Variants in TSPEAR observed in about 807,000 individuals in gnomAD.
TSPEAR encodes thrombospondin type laminin G domain and EAR repeats, also known as thrombospondin-type laminin G domain and EAR repeat-containing protein.
Under a neutral mutation model 71.6 loss-of-function variants are expected in TSPEAR, and 69 were observed. That is an observed-to-expected ratio of 0.96 (90% CI 0.79 to 1.18). TSPEAR has a LOEUF of 1.18. TSPEAR is among the 50% of genes most tolerant of loss of function. The pLI, the probability that TSPEAR is intolerant of heterozygous loss-of-function variation, is 0.00. For synonymous variants in TSPEAR, 402 were observed against 387.2 expected, an observed-to-expected ratio of 1.04 and a Z score of -0.45; for missense variants, 971 against 894.9, an observed-to-expected ratio of 1.09 and a Z score of -1.09.
chr21:44,597,166 A>G (rs1276066266), intron 1 of TSPEAR, among the ~76,000 whole-genome samples: 11 of 152,002 alleles, frequency 7.2e-5, no homozygotes, highest in African/African-American at 2.7e-4. Flanking sequence ...AGTTAAAAAA[A>G]TTAAAAAACA....
rs1366138373 is a variant in TSPEAR at position 44,695,180 on chromosome 21, T to TC, written c.82+16252dup. Among the ~76,000 whole-genome samples the TC allele has an allele frequency of 6.6e-6, 1 of 152,064 alleles. No homozygotes were observed. Among genetic ancestry groups the TC allele is most frequent in the Non-Finnish European group, 1.5e-5 (1 of 67,982 alleles). ...CAAACTGTGGGGAACCTATCCAGCCTCCCCCGACCCCACCCCAACTCCTGT... is the reference window on the plus strand; with the variant it reads ...CAAACTGTGGGGAACCTATCCAGCCTCCCCCCGACCCCACCCCAACTCCTGT... On this transcript the variant is annotated intron_variant, in intron 1 of 11. Coordinates refer to ENST00000323084, the MANE Select transcript of TSPEAR (RefSeq NM_144991.3). The surrounding 1 kb of genome is among the most constrained non-coding windows in gnomAD (Gnocchi z 4.5).
At position 44,546,361 on chromosome 21, in the gene TSPEAR, G is replaced by A. The variant is rs1156851731; in HGVS notation, c.304-12438C>T. Among the ~76,000 whole-genome samples the A allele has an allele frequency of 1.3e-5, 2 of 152,186 alleles. No individual in the cohort carries two copies. Among genetic ancestry groups the A allele is most frequent in the Admixed American group, 1.3e-4 (2 of 15,280 alleles). ...TGAAATGAATCACTTTCTCTTCAGA[G>A]TCTCGCTCTGTTGCCCAGGCTGGAG... On this transcript the variant is annotated intron_variant, in intron 2 of 11. Coordinates refer to ENST00000323084, the MANE Select transcript of TSPEAR (RefSeq NM_144991.3). The surrounding 1 kb of genome is among the most constrained non-coding windows in gnomAD (Gnocchi z 4.4).
intron 1 of TSPEAR, among the ~76,000 whole-genome samples, chr21:44,597,126 C>A (rs1191610590): frequency 1.3e-5 from 2 of 152,100 alleles, no homozygotes; most frequent in East Asian, 1.9e-4. Context: ...ATGATTTTCC[C>A]TTTTCTCTAT....
chr21:44,637,120 C>G (rs1307290712), intron 1 of TSPEAR, among the ~76,000 whole-genome samples: 1 of 152,182 alleles, frequency 6.6e-6, no homozygotes, highest in Non-Finnish European at 1.5e-5. Flanking sequence ...AGAGGTCACA[C>G]CTTCCCTCCT....
chr21:44,534,609 G>T (rs2053056512), intron 2 of TSPEAR, among the ~76,000 whole-genome samples: 1 of 152,078 alleles, frequency 6.6e-6, no homozygotes, highest in Non-Finnish European at 1.5e-5. Flanking sequence ...CACACACTAG[G>T]ATGGCTAATG....
At chr21:44,535,323 G>A (rs1396828762) in intron 2 of TSPEAR, among the ~76,000 whole-genome samples, 1 of 151,814 alleles carries the variant, frequency 6.6e-6, no homozygotes, top group African/African-American at 2.4e-5. Flanking sequence ...TTCCAATTTG[G>A]GTTATGTGAA....
At chr21:44,512,226 G>A (rs924975626) in intron 9 of TSPEAR, among the ~76,000 whole-genome samples, 1 of 152,164 alleles carries the variant, frequency 6.6e-6, no homozygotes, top group African/African-American at 2.4e-5. Context: ...AAAGGTCACT[G>A]GGGAGCCGGA....
At chr21:44,606,057 G>A (rs1555929761) in intron 1 of TSPEAR, among the ~76,000 whole-genome samples, 1 of 150,996 alleles carries the variant, frequency 6.6e-6, no homozygotes. Flanking sequence ...TATTTGATGA[G>A]GGACTACTAC....
chr21:44,627,742 G>A (rs149336073), intron 1 of TSPEAR: 2 of 1,595,056 alleles, frequency 1.3e-6, no homozygotes, highest in East Asian at 2.2e-5. Context: ...CTGTAAGCCT[G>A]TCTGCTGCAA....
intron 1 of TSPEAR, among the ~76,000 whole-genome samples, chr21:44,660,099 GAA>G: frequency 6.6e-6 from 1 of 152,246 alleles, no homozygotes; most frequent in South Asian, 2.1e-4. Context: ...AAGAGAAAGA[GAA>G]AGAGAAGGGT....
At chr21:44,564,481 G>C (rs1000855223) in intron 2 of TSPEAR, among the ~76,000 whole-genome samples, 72 of 152,092 alleles carry the variant, frequency 4.7e-4, no homozygotes, top group Non-Finnish European at 9.7e-4. Flanking sequence ...AATTGGAGTA[G>C]CCCAACTGCT....
In TSPEAR at chr21:44,591,717, G is replaced by T. The variant is rs1979871001; in HGVS notation, c.83-23712C>A. The T allele has an allele frequency of 1.9e-6, 3 of 1,597,102 alleles. No individual in the cohort carries two copies. In the South Asian group the frequency reaches 3.3e-5, roughly 18 times the overall value. ...GGGAGGAGGTGCAGCAAGCTGGCTG[G>T]CAGCTAGACTGCTGGCAGCATGAAG... On this transcript the variant is annotated intron_variant, in intron 1 of 11. Transcript: ENST00000323084.
intron 8 of TSPEAR, among the ~76,000 whole-genome samples, chr21:44,523,740 G>C (rs1451822665): frequency 6.6e-6 from 1 of 150,580 alleles, no homozygotes; most frequent in African/African-American, 2.4e-5. Context: ...AGTCAGCCAG[G>C]TAGTTAATCA....
intron 9 of TSPEAR, chr21:44,519,548 C>CCTCCTGGTGAGGA (rs1483677400): frequency 6.6e-6 from 1 of 152,436 alleles, no homozygotes; most frequent in Non-Finnish European, 1.5e-5. Context: ...GGCTCCTGAA[C>CCTCCTGGTGAGGA]CCTCCTTCAG....
At chr21:44,647,602 A>C in intron 1 of TSPEAR, 1 of 569,742 alleles carries the variant, frequency 1.8e-6, no homozygotes. Context: ...CTTATACCCA[A>C]TGTGACAAAG....
intron 1 of TSPEAR, among the ~76,000 whole-genome samples, chr21:44,598,932 C>G (rs1188044640): frequency 6.6e-6 from 1 of 152,196 alleles, no homozygotes; most frequent in East Asian, 1.9e-4. Flanking sequence ...TCTTCCTGGT[C>G]TAGAATTCTA....
intron 1 of TSPEAR, among the ~76,000 whole-genome samples, chr21:44,609,414 A>G (rs1384596252): frequency 6.6e-6 from 1 of 152,218 alleles, no homozygotes. Flanking sequence ...TGCTCCACCA[A>G]AACAAGGATA....
chr21:44,689,618 C>G (rs1242828488), intron 1 of TSPEAR, among the ~76,000 whole-genome samples: 8 of 148,382 alleles, frequency 5.4e-5, no homozygotes, highest in Non-Finnish European at 8.9e-5. Context: ...CCTAAAATGT[C>G]ACAGATATTA....
intron 1 of TSPEAR, among the ~76,000 whole-genome samples, chr21:44,629,043 C>T (rs1236536104): frequency 6.6e-6 from 1 of 152,122 alleles, no homozygotes; most frequent in Non-Finnish European, 1.5e-5. Flanking sequence ...AAGGAGGCCT[C>T]CTGGGGGTAG....
Sources: gnomAD v4.1 joint callset for allele counts (sites outside exome capture counted in the v4.1 genomes callset) on GRCh38, gnomAD v4.1.1 for gene constraint, Gnocchi (gnomAD v3.1) non-coding constraint, MANE v1.5 for transcripts, NCBI Gene and HGNC (gene_info 2026-07-23, HGNC 2026-07-21) for gene names.